The following DUX4 variants were observed in gnomAD, a reference collection of about 807,000 sequenced individuals.
The protein encoded by DUX4 is double homeobox 4.
At chr4:190,177,759 A>G (rs1742384652), downstream of DUX4, among the ~76,000 whole-genome samples, 892 of 130,710 alleles carry the variant, frequency 6.8e-3, no homozygotes, top group African/African-American at 0.01. Flanking sequence ...AGCCTAGACA[A>G]GAGTCCCATC....
At chr4:190,178,570 G>GC, downstream of DUX4, among the ~76,000 whole-genome samples, 1 of 128,354 alleles carries the variant, frequency 7.8e-6, no homozygotes, top group African/African-American at 2.9e-5. Context: ...CCCCCTGTAG[G>GC]CAGAGGGTAG....
At chr4:190,179,005 G>A (rs1742470731), downstream of DUX4, among the ~76,000 whole-genome samples, 5 of 147,494 alleles carry the variant, frequency 3.4e-5, no homozygotes, top group South Asian at 2.2e-4. Flanking sequence ...CCCATCACCT[G>A]GATGATTAGT....
rs1255438052 is a variant in DUX4 at position 190,183,873 on chromosome 4, G to A, written n.93-1468G>A. Among the ~76,000 whole-genome samples, 10 of 122,048 alleles carry A rather than the reference G, an allele frequency of 8.2e-5. 3 individuals carry two copies. Among genetic ancestry groups the A allele is most frequent in the Non-Finnish European group, 1.9e-4 (10 of 52,014 alleles). 80.1% of individuals were successfully genotyped at this position (122,048 alleles called of 152,430 possible). On this transcript the variant is annotated intron_variant and non_coding_transcript_variant, in intron 1 of 2. Transcript: ENST00000563716. Reference sequence around the variant, plus strand: ...AAATGTCTAAGCCTCGTGGTTAGTGGGGACATTGCTGGTGGAGTCTGAAAT... The same window carrying A: ...AAATGTCTAAGCCTCGTGGTTAGTGAGGACATTGCTGGTGGAGTCTGAAAT...
downstream of DUX4, among the ~76,000 whole-genome samples, chr4:190,179,510 A>AG (rs1742499821): frequency 8.0e-6 from 1 of 125,270 alleles, no homozygotes; most frequent in Non-Finnish European, 1.9e-5. Flanking sequence ...ATATGTCACA[A>AG]GCCCCCTGTA....
chr4:190,178,955 TAC>T (rs1742466557), downstream of DUX4, among the ~76,000 whole-genome samples: 1 of 140,768 alleles, frequency 7.1e-6, no homozygotes, highest in Non-Finnish European at 1.6e-5. Context: ...AGTGCAGAAA[TAC>T]GTCACAATGC....
At chr4:190,181,731 T>A (rs1579838032) in intron 1 of DUX4, among the ~76,000 whole-genome samples, 53 of 133,020 alleles carry the variant, frequency 4.0e-4, no homozygotes, top group South Asian at 7.1e-4. Context: ...AAGAGTTACA[T>A]CACCTGGGTG....
downstream of DUX4, among the ~76,000 whole-genome samples, chr4:190,177,451 A>ACGCAG (rs1742368276): frequency 6.6e-6 from 1 of 150,904 alleles, no homozygotes. Flanking sequence ...CAGTGCAAAG[A>ACGCAG]TATGTCACAA....
rs1297769601 is a variant in DUX4 at position 190,175,203 on chromosome 4, G to C, written c.*155G>C. On this transcript the variant is annotated 3_prime_UTR_variant, in exon 1 of 2. Transcript: ENST00000565211. ...ATTCCTGCCTTCTAGGTCTAGGCCC[G>C]GTGAGAGACTCCACTCCGCGGAGAA... 4.2e-5 allele frequency: 4 copies of C among 95,718 alleles called. No homozygotes were observed. The highest frequency in any genetic ancestry group is 1.8e-4 in the Admixed American group (1 of 5,702). The allele number at this position is 95,718 out of a possible 1,614,324, so 5.9% of individuals were successfully genotyped here.
At chr4:190,178,685 A>ATGTCACAAAGCTCCTTTAGGCCGAAC (rs1742443546), downstream of DUX4, among the ~76,000 whole-genome samples, 1 of 144,540 alleles carries the variant, frequency 6.9e-6, no homozygotes, top group Non-Finnish European at 1.5e-5. Context: ...GTGCAGAGAT[A>ATGTCACAAAGCTCCTTTAGGCCGAAC]TGTCACAAAG....
downstream of DUX4, among the ~76,000 whole-genome samples, chr4:190,178,927 TCCG>T (rs1742464217): frequency 4.5e-4 from 62 of 137,064 alleles, no homozygotes; most frequent in African/African-American, 5.1e-4. Flanking sequence ...AAGACAAGAG[TCCG>T]TCTCCTGGGT....
chr4:190,179,583 G>T (rs1579835718), downstream of DUX4, among the ~76,000 whole-genome samples: 43 of 8,038 alleles, frequency 5.3e-3, no homozygotes, highest in Non-Finnish European at 7.6e-3. Context: ...TCACAATGCT[G>T]TGTAGCCAGA....
intron 1 of DUX4, among the ~76,000 whole-genome samples, chr4:190,181,499 T>TGGACAAGAGTTACATCACGGCGGTGATCA: frequency 6.9e-6 from 1 of 144,512 alleles, no homozygotes; most frequent in Non-Finnish European, 1.5e-5. Flanking sequence ...CAAGGCCCCC[T>TGGACAAGAGTTACATCACGGCGGTGATCA]ATAGGCAGAG....
chr4:190,176,664 C>T (rs1742315486), downstream of DUX4, among the ~76,000 whole-genome samples: 3 of 117,210 alleles, frequency 2.6e-5, no homozygotes, highest in African/African-American at 7.9e-5. Context: ...AGAGCCTAGA[C>T]AAGAGTTTCA....
intron 1 of DUX4, among the ~76,000 whole-genome samples, chr4:190,181,720 C>A (rs1579837997): frequency 2.3e-3 from 177 of 76,110 alleles, no homozygotes; most frequent in South Asian, 4.4e-3. Context: ...AGATCCAACA[C>A]AAGAGTTACA....
downstream of DUX4, among the ~76,000 whole-genome samples, chr4:190,178,355 C>CGG (rs1742419876): frequency 8.5e-5 from 5 of 58,696 alleles, no homozygotes; most frequent in Admixed American, 3.8e-4. Context: ...GTCACAATGT[C>CGG]CCCTGTAGGC....
chr4:190,181,231 G>A (rs1742553866), intron 1 of DUX4, among the ~76,000 whole-genome samples: 5,063 of 90,018 alleles, frequency 0.056, 1 homozygote, highest in South Asian at 0.087. Flanking sequence ...GCCCCCATAG[G>A]CAAATCCAAG....
At chr4:190,176,339 T>TCA (rs1742304051), downstream of DUX4, among the ~76,000 whole-genome samples, 1 of 112,522 alleles carries the variant, frequency 8.9e-6, no homozygotes, top group African/African-American at 2.6e-5. Flanking sequence ...TTACATCACC[T>TCA]GGGTGATCAG....
downstream of DUX4, among the ~76,000 whole-genome samples, chr4:190,180,146 A>G (rs1742533834): frequency 1.1e-5 from 1 of 88,284 alleles, no homozygotes; most frequent in Non-Finnish European, 2.3e-5. Flanking sequence ...GAGCCTAGAG[A>G]AGAGTCCCAT....
chr4:190,175,476 C>A (rs1239924706), intron 1 of DUX4, among the ~76,000 whole-genome samples, 171 bp from the exon 2 acceptor site: 1 of 44,092 alleles, frequency 2.3e-5, no homozygotes, highest in African/African-American at 5.3e-5. Flanking sequence ...CGCGAAACAC[C>A]GGGCCCCGCG....
Sources: gnomAD v4.1 joint callset for allele counts (sites outside exome capture counted in the v4.1 genomes callset) on GRCh38, gnomAD v4.1.1 for gene constraint, MANE v1.5 for transcripts, NCBI Gene and HGNC (gene_info 2026-07-23, HGNC 2026-07-21) for gene names.